The following FLT4 variants were observed in gnomAD, a reference collection of about 807,000 sequenced individuals.
The protein encoded by FLT4 is fms related receptor tyrosine kinase 4, also known as vascular endothelial growth factor receptor 3.
Under a neutral mutation model 163.2 loss-of-function variants are expected in FLT4, and 30 were observed. The observed-to-expected ratio is 0.18, with a 90% CI of 0.14 to 0.25. The LOEUF is 0.25. Among genes scored for constraint, FLT4 ranks in the 10% least tolerant of loss-of-function variants. The pLI, the probability that FLT4 is intolerant of heterozygous loss-of-function variation, is 1.00. For missense variants in FLT4, 1,510 were observed against 1,863.8 expected (o/e 0.81, Z 3.50); for synonymous variants, 884 against 789.5 (o/e 1.12, Z -2.01).
intron 23 of FLT4, among the ~76,000 whole-genome samples, chr5:180,614,734 C>G (rs903738823): frequency 6.6e-6 from 1 of 152,130 alleles, no homozygotes; most frequent in South Asian, 2.1e-4. Context: ...CACCCCCACT[C>G]CCCTCTCTTC....
At position 180,639,645 on chromosome 5, in the gene FLT4, G is replaced by A. The variant is rs541711014; in HGVS notation, c.59-7867C>T. On this transcript the variant is annotated intron_variant, in intron 1 of 29. Coordinates refer to ENST00000261937, the MANE Select transcript of FLT4 (RefSeq NM_182925.5). ...GACCTCTGAAACCTCAGAGACTCTT[G>A]TCAGACCCTGTTGTTCCACTGGAAA... Among the ~76,000 whole-genome samples the A allele has an allele frequency of 1.1e-3, 169 of 152,260 alleles. 3 individuals are homozygous for A. Among genetic ancestry groups the A allele is most frequent in the Non-Finnish European group, 1.2e-3 (83 of 68,022 alleles).
rs910570103 is a variant in FLT4, at chr5:180,631,195, T to C, written c.156-396A>G. Among the ~76,000 whole-genome samples the C allele has an allele frequency of 4.5e-4, 69 of 151,988 alleles. 1 individual carries two copies. Among genetic ancestry groups the C allele is most frequent in the Middle Eastern group, 3.2e-3 (1 of 316 alleles). ...CATATGAAATGCTGATGGGGTGGGC[T>C]GGGCACAGTGGCTCACGCCTGTAAT... On this transcript the variant is annotated intron_variant, in intron 2 of 29. Transcript: ENST00000261937.
chr5:180,610,066 G>C, intron 27 of FLT4, 41 bp from the exon 28 acceptor site: 3 of 1,613,094 alleles, frequency 1.9e-6, no homozygotes, highest in Non-Finnish European at 2.5e-6. Context: ...ACGCGCTGCA[G>C]CAACCCTCCT....
At chr5:180,622,900 T>C (rs1286951705) in intron 11 of FLT4, 61 bp from the exon 12 acceptor site, 1 of 1,180,732 alleles carries the variant, frequency 8.5e-7, no homozygotes, top group Non-Finnish European at 1.3e-6. Flanking sequence ...CTGGGCCCTG[T>C]CTTTCTGCAA....
In FLT4 at chr5:180,630,786, G is replaced by C; in HGVS notation, c.169C>G (p.Leu57Val). 1 of 1,604,208 alleles carries C rather than the reference G, an allele frequency of 6.2e-7. No homozygotes were observed. The highest frequency in any genetic ancestry group is 8.5e-7 in the Non-Finnish European group (1 of 1,178,954). Residue 57 changes from leucine to valine, a missense_variant, in exon 3 of 30, where the codon CTC (leucine) becomes GTC (valine). Coordinates refer to ENST00000261937, the MANE Select transcript of FLT4 (RefSeq NM_182925.5). The surrounding 1 kb of genome is among the most constrained non-coding windows in gnomAD (Gnocchi z 6.3). ...LSISCRGQHP[L>V]EWAWPGAQEA... ...TGAGCTCCTGGCCAAGCCCACTCGAGGGGGTGCTGTCCCCTGGCAGAGGAC... is the reference window on the plus strand; with the variant it reads ...TGAGCTCCTGGCCAAGCCCACTCGACGGGGTGCTGTCCCCTGGCAGAGGAC...
At chr5:180,648,642 C>T (rs374654565) in intron 1 of FLT4, among the ~76,000 whole-genome samples, 11 of 152,164 alleles carry the variant, frequency 7.2e-5, no homozygotes, top group Non-Finnish European at 1.2e-4. Context: ...TCCATCCACT[C>T]CCTCTGCCGC....
At chr5:180,604,667 G>A (rs554143945) in intron 29 of FLT4, among the ~76,000 whole-genome samples, 3 of 152,126 alleles carry the variant, frequency 2.0e-5, no homozygotes, top group Admixed American at 1.3e-4. Flanking sequence ...ATCCTCAAGC[G>A]CTCACTTTCT....
chr5:180,613,978 C>A, intron 24 of FLT4, 90 bp downstream of exon 24: 2 of 909,742 alleles, frequency 2.2e-6, no homozygotes, highest in South Asian at 2.6e-5. Flanking sequence ...CCTCCAGGTG[C>A]CCAGTCCCTT....
At chr5:180,640,198 C>T (rs1032594970) in intron 1 of FLT4, among the ~76,000 whole-genome samples, 7 of 152,080 alleles carry the variant, frequency 4.6e-5, no homozygotes, top group African/African-American at 1.4e-4. Flanking sequence ...GCACTAGCAG[C>T]GAGCGAGGTG....
chr5:180,638,835 GTGTT>G (rs1581703636), intron 1 of FLT4, among the ~76,000 whole-genome samples: 2 of 152,188 alleles, frequency 1.3e-5, no homozygotes, highest in South Asian at 4.1e-4. Context: ...ATTTATTTAT[GTGTT>G]TGTTTGTTTA....
chr5:180,607,809 C>A (rs1761883713), intron 29 of FLT4, among the ~76,000 whole-genome samples: 1 of 151,886 alleles, frequency 6.6e-6, no homozygotes, highest in Non-Finnish European at 1.5e-5. Flanking sequence ...CTCATATTAC[C>A]AAGGAATAAC....
At chr5:180,649,257 G>T (rs1212508311) in intron 1 of FLT4, among the ~76,000 whole-genome samples, 18 of 151,794 alleles carry the variant, frequency 1.2e-4, no homozygotes. Context: ...CCTGCGCCGA[G>T]GCGCGGCCCG....
intron 12 of FLT4, 21 bp from the exon 13 acceptor site, chr5:180,621,925 C>G (rs770870641): frequency 3.1e-6 from 5 of 1,612,650 alleles, no homozygotes; most frequent in East Asian, 4.5e-5. Context: ...AGGAAGAAGC[C>G]CTGTGGCACT....
rs769582484 is a variant in FLT4, at chr5:180,621,086, G to T, written c.2167+20C>A. On this transcript the variant is annotated intron_variant, in intron 14 of 29. Transcript: ENST00000261937. ...TCGCGGGCCTCCGGACCTGCCCTTC[G>T]CCAGGGCCACCCTCCCTACCAGACT... 3.1e-6 allele frequency: 5 copies of T among 1,612,702 alleles called. No homozygotes were observed. The highest frequency in any genetic ancestry group is 3.4e-6 in the Non-Finnish European group (4 of 1,179,938).
At chr5:180,627,609 G>GGT (rs1763730332) in intron 8 of FLT4, among the ~76,000 whole-genome samples, 2 of 152,230 alleles carry the variant, frequency 1.3e-5, no homozygotes. Flanking sequence ...CCATAGGAAG[G>GGT]GTGGGCACCA....
chr5:180,622,913 A>T (rs952185017), intron 11 of FLT4, 74 bp from the exon 12 acceptor site: 44 of 918,730 alleles, frequency 4.8e-5, no homozygotes, highest in Non-Finnish European at 7.4e-5. Context: ...TTCTGCAAGG[A>T]GGTCGCTGTG....
At chr5:180,638,296 C>G (rs141240646) in intron 1 of FLT4, among the ~76,000 whole-genome samples, 120 of 152,318 alleles carry the variant, frequency 7.9e-4, no homozygotes, top group African/African-American at 2.5e-3. Context: ...ACGTGCACCC[C>G]CTCCAGCCCC....
intron 23 of FLT4, among the ~76,000 whole-genome samples, chr5:180,614,568 T>C (rs1412684510): frequency 6.6e-6 from 1 of 152,008 alleles, no homozygotes; most frequent in Non-Finnish European, 1.5e-5. Context: ...GTCCACTCAC[T>C]GTCCCCACCC....
At position 180,630,221 on chromosome 5, in the gene FLT4, G is replaced by T; in HGVS notation, c.513+4C>A. On this transcript the variant is annotated splice_donor_region_variant and intron_variant, in intron 4 of 29. Coordinates refer to ENST00000261937, the MANE Select transcript of FLT4 (RefSeq NM_182925.5). The surrounding 1 kb of genome is among the most constrained non-coding windows in gnomAD (Gnocchi z 6.3). Reference sequence around the variant, plus strand: ...CGGATGCTGGGGTTGGGGTGGGGCCGTACCGAGCGCAGCGTGACATTGAGG... The same window carrying T: ...CGGATGCTGGGGTTGGGGTGGGGCCTTACCGAGCGCAGCGTGACATTGAGG... The T allele has an allele frequency of 6.2e-7, 1 of 1,611,402 alleles. No individual in the cohort carries two copies.
Sources: gnomAD v4.1 joint callset for allele counts (sites outside exome capture counted in the v4.1 genomes callset) on GRCh38, gnomAD v4.1.1 for gene constraint, Gnocchi (gnomAD v3.1) non-coding constraint, MANE v1.5 for transcripts, NCBI Gene and HGNC (gene_info 2026-07-23, HGNC 2026-07-21) for gene names.